Variants in POU2F2 observed in about 807,000 individuals in gnomAD.
The protein encoded by POU2F2 is POU domain, class 2, transcription factor 2.
A neutral mutation model predicts 63.5 loss-of-function variants in POU2F2; 14 were observed. The ratio of observed to expected loss-of-function variants is 0.22; its 90% CI spans 0.15 to 0.34. The LOEUF (loss-of-function observed/expected upper bound fraction) is 0.34, where lower values mean the gene tolerates loss of function less well. POU2F2 is among the 10% of genes least tolerant of loss of function. POU2F2 has a pLI of 1.00. For synonymous variants in POU2F2, 306 were observed against 348.6 expected (o/e 0.88, Z 1.36); for missense variants, 607 against 815.2 (o/e 0.74, Z 3.11).
intron 2 of POU2F2, among the ~76,000 whole-genome samples, chr19:42,146,217 C>T (rs2034231174): frequency 6.6e-6 from 1 of 152,150 alleles, no homozygotes; most frequent in African/African-American, 2.4e-5. Context: ...AGTTAAATCA[C>T]TTGGCTGGAG....
chr19:42,108,045 C>T (rs1299629489), intron 5 of POU2F2, among the ~76,000 whole-genome samples: 1 of 152,218 alleles, frequency 6.6e-6, no homozygotes, highest in East Asian at 1.9e-4. Context: ...ATCAAACGCC[C>T]CCTCCCTAGA....
intron 1 of POU2F2, among the ~76,000 whole-genome samples, chr19:42,192,452 T>C (rs2035084421): frequency 6.6e-6 from 1 of 152,166 alleles, no homozygotes; most frequent in South Asian, 2.1e-4. Context: ...ATCTAACTCA[T>C]CTTGTAGTAC....
chr19:42,132,285 A>G (rs1298470215), intron 1 of POU2F2, 99 bp downstream of exon 1: 2 of 1,382,228 alleles, frequency 1.4e-6, no homozygotes, highest in African/African-American at 1.5e-5. Flanking sequence ...GAGAAGGACA[A>G]TGGAGACAGC....
chr19:42,197,356 C>T (rs2035162812), upstream of POU2F2, among the ~76,000 whole-genome samples: 1 of 152,112 alleles, frequency 6.6e-6, no homozygotes. Flanking sequence ...CAGCTTCCTC[C>T]CAGAGAGGGT....
At chr19:42,116,369 G>A (rs111569883) in intron 5 of POU2F2, among the ~76,000 whole-genome samples, 1 of 152,108 alleles carries the variant, frequency 6.6e-6, no homozygotes, top group Non-Finnish European at 1.5e-5. Flanking sequence ...TACCATTCAC[G>A]AGAGTGACTC....
In POU2F2 at chr19:42,091,896, A is replaced by T; in HGVS notation, c.1511T>A (p.Met504Lys). The part of the protein sequence containing the change: ...GLSSGLSPAL[M>K]SNNPLATIQA... ...GATAGTGGCCAAAGGGTTGTTGCTCATGAGGGCTGGACTCAGCCCGGAGCT... is the reference window on the plus strand; with the variant it reads ...GATAGTGGCCAAAGGGTTGTTGCTCTTGAGGGCTGGACTCAGCCCGGAGCT... The change falls in exon 14 of 15, where the codon ATG becomes AAG. Residue 504 changes from methionine (M) to lysine (K), a missense_variant. Coordinates refer to ENST00000692977, the MANE Select transcript of POU2F2 (RefSeq NM_001394376.1). 1 of 1,539,900 alleles carries T rather than the reference A, an allele frequency of 6.5e-7. No homozygotes were observed. The highest frequency in any genetic ancestry group is 1.2e-5 in the South Asian group (1 of 84,068).
At chr19:42,147,813 A>C (rs935171673) in intron 2 of POU2F2, among the ~76,000 whole-genome samples, 2 of 152,224 alleles carry the variant, frequency 1.3e-5, no homozygotes, top group African/African-American at 4.8e-5. Flanking sequence ...TGGAACCTAG[A>C]GGATGGGCAG....
rs2034441051 is a variant in POU2F2 at position 42,155,515 on chromosome 19, G to T, written c.-9+4817C>A. Among the ~76,000 whole-genome samples, 1 of 152,178 alleles carries T rather than the reference G, an allele frequency of 6.6e-6. No individual in the cohort carries two copies. ...TTGGGCACAGTGGTCCTAGCCTGTAGTCCCAGCTACATAGGAGACTGAGGC... is the reference window on the plus strand; with the variant it reads ...TTGGGCACAGTGGTCCTAGCCTGTATTCCCAGCTACATAGGAGACTGAGGC... On this transcript the variant is annotated intron_variant, in intron 2 of 6. Coordinates refer to the POU2F2 transcript ENST00000524801. The surrounding 1 kb of genome is among the most constrained non-coding windows in gnomAD (Gnocchi z 4.2).
At chr19:42,175,096 A>C (rs1599718357) in intron 1 of POU2F2, among the ~76,000 whole-genome samples, 1 of 149,336 alleles carries the variant, frequency 6.7e-6, no homozygotes. Flanking sequence ...CTCTGTCCAC[A>C]CCCTTCTCAG....
chr19:42,180,557 A>G (rs1296244722), upstream of POU2F2, among the ~76,000 whole-genome samples: 1 of 152,106 alleles, frequency 6.6e-6, no homozygotes, highest in East Asian at 1.9e-4. Flanking sequence ...GGAAGCAGGG[A>G]CAGGGCAGAG....
At chr19:42,120,217 C>A (rs906834290) in intron 4 of POU2F2, among the ~76,000 whole-genome samples, 1 of 149,286 alleles carries the variant, frequency 6.7e-6, no homozygotes, top group Non-Finnish European at 1.5e-5. Flanking sequence ...GGCCTAATCT[C>A]CTTTTTTTTT....
Position 42,091,488 on chromosome 19 carries a change from G to A in POU2F2, c.1644C>T (p.Thr548=), listed in dbSNP as rs767072219. The A allele has an allele frequency of 3.5e-5, 55 of 1,549,968 alleles. No homozygotes were observed. Among genetic ancestry groups the A allele is most frequent in the Non-Finnish European group, 4.2e-5 (48 of 1,145,920 alleles). The change falls in exon 15 of 15, where the codon ACC becomes ACT. Residue 548 remains threonine, a synonymous_variant. Coordinates refer to ENST00000692977, the MANE Select transcript of POU2F2 (RefSeq NM_001394376.1). ...CAGCATGATTCAAGAAGAGCGGCGAGGTCACCAGGCCAGGGCTCCCCGGGG... is the reference window on the plus strand; with the variant it reads ...CAGCATGATTCAAGAAGAGCGGCGAAGTCACCAGGCCAGGGCTCCCCGGGG... ...GAAPGSPGLV[T]SPLFLNHAGL...
At chr19:42,119,146 A>T (rs1293936193) in intron 4 of POU2F2, among the ~76,000 whole-genome samples, 1 of 149,282 alleles carries the variant, frequency 6.7e-6, no homozygotes, top group Non-Finnish European at 1.5e-5. Context: ...AGAGAGAGAG[A>T]GGTTAAAAAA....
intron 5 of POU2F2, among the ~76,000 whole-genome samples, chr19:42,109,208 G>A (rs918563087): frequency 2.0e-5 from 3 of 152,212 alleles, no homozygotes; most frequent in Non-Finnish European, 2.9e-5. Context: ...CGGCTGCAAC[G>A]GCCCAGGTGC....
chr19:42,154,262 C>T (rs542135232), intron 2 of POU2F2, among the ~76,000 whole-genome samples: 253 of 151,400 alleles, frequency 1.7e-3, no homozygotes, highest in African/African-American at 5.8e-3. Flanking sequence ...CCAGAGACCC[C>T]GAGAGACGAC....
chr19:42,146,657 G>T (rs557290153), intron 2 of POU2F2, among the ~76,000 whole-genome samples: 1 of 50,942 alleles, frequency 2.0e-5, no homozygotes, highest in Admixed American at 1.5e-4. Context: ...CCTAAGGGAA[G>T]GCCCCCCCAT....
rs530308682 is a variant in POU2F2, at chr19:42,095,090, T to C, written c.1197+196A>G. Among the ~76,000 whole-genome samples the C allele has an allele frequency of 2.6e-5, 4 of 152,272 alleles. No homozygotes were observed. The highest frequency in any genetic ancestry group is 4.8e-5 in the African/African-American group (2 of 41,546). ...ATGTCGGTGTGTATCTAGGGGTGCT[T>C]GTATCCCCCATGTAAGACCACAGTT... On this transcript the variant is annotated intron_variant, in intron 11 of 14. Coordinates refer to ENST00000692977, the MANE Select transcript of POU2F2 (RefSeq NM_001394376.1). The surrounding 1 kb of genome is among the most constrained non-coding windows in gnomAD (Gnocchi z 7.1).
chr19:42,183,313 C>T (rs2034982253), intron 1 of POU2F2, among the ~76,000 whole-genome samples: 1 of 152,088 alleles, frequency 6.6e-6, no homozygotes, highest in African/African-American at 2.4e-5. Flanking sequence ...ACAGAAGTAC[C>T]TCAAAACCAA....
chr19:42,145,104 T>C (rs574697471), intron 2 of POU2F2, among the ~76,000 whole-genome samples: 1 of 152,396 alleles, frequency 6.6e-6, no homozygotes, highest in Non-Finnish European at 1.5e-5. Context: ...TATAGTTGAA[T>C]GACACTGCCA....
Sources: allele counts gnomAD v4.1 joint callset (sites outside exome capture counted in the v4.1 genomes callset), GRCh38; gene constraint gnomAD v4.1.1; non-coding constraint Gnocchi (gnomAD v3.1); transcripts MANE v1.5; gene names NCBI Gene and HGNC (gene_info 2026-07-23, HGNC 2026-07-21).